Variants in SPMIP7 observed in about 807,000 individuals in gnomAD.
The protein encoded by SPMIP7 is protein SPMIP7.
At chr7:50,150,145 G>A in the SPMIP7 span, among the ~76,000 whole-genome samples, 1 of 152,296 alleles carries the variant, frequency 6.6e-6, no homozygotes, top group African/African-American at 2.4e-5. Flanking sequence ...TCCTGGAGAA[G>A]GCTTTGTGTG....
the SPMIP7 span, chr7:50,117,265 A>T: frequency 2.2e-6 from 1 of 456,034 alleles, no homozygotes; most frequent in Admixed American, 2.4e-5. Context: ...AAAAACATGA[A>T]GGAAAATAGA....
the SPMIP7 span, among the ~76,000 whole-genome samples, chr7:50,144,920 T>A: frequency 6.6e-6 from 1 of 151,796 alleles, no homozygotes; most frequent in Admixed American, 6.6e-5. Flanking sequence ...TCATCCGCAC[T>A]TATAATCTGT....
At chr7:50,137,973 T>C in the SPMIP7 span, among the ~76,000 whole-genome samples, 1 of 152,204 alleles carries the variant, frequency 6.6e-6, no homozygotes, top group Admixed American at 6.5e-5. Flanking sequence ...TTTCTATTTT[T>C]GCTTATCTGA....
At chr7:50,123,089 A>G in the SPMIP7 span, among the ~76,000 whole-genome samples, 1 of 137,192 alleles carries the variant, frequency 7.3e-6, no homozygotes, top group Non-Finnish European at 1.5e-5. Flanking sequence ...AGGGCTATAA[A>G]TCATGCTGCT....
At chr7:50,151,648 T>A in the SPMIP7 span, 2 of 835,148 alleles carry the variant, frequency 2.4e-6, no homozygotes, top group Non-Finnish European at 3.6e-6. Flanking sequence ...AATTAAATAG[T>A]AAAAGCAAAT....
At chr7:50,115,659 C>G in the SPMIP7 span, among the ~76,000 whole-genome samples, 1 of 152,004 alleles carries the variant, frequency 6.6e-6, no homozygotes, top group Non-Finnish European at 1.5e-5. Flanking sequence ...TAGTGATATA[C>G]AAATGGTTAA....
At chr7:50,145,514 G>T in the SPMIP7 span, among the ~76,000 whole-genome samples, 1 of 142,736 alleles carries the variant, frequency 7.0e-6, no homozygotes. Context: ...GAGTGTTGGG[G>T]TACTTTTTCT....
chr7:50,126,379 GTT>G, the SPMIP7 span, among the ~76,000 whole-genome samples: 2 of 149,064 alleles, frequency 1.3e-5, no homozygotes, highest in Non-Finnish European at 3.0e-5. Flanking sequence ...ATATATATCT[GTT>G]TTTTTTTTAA....
At chr7:50,121,696 C>T in the SPMIP7 span, among the ~76,000 whole-genome samples, 1 of 151,972 alleles carries the variant, frequency 6.6e-6, no homozygotes, top group South Asian at 2.1e-4. Context: ...CTGTGTCACC[C>T]AGGCTGGAGT....
At chr7:50,132,885 G>A in the SPMIP7 span, among the ~76,000 whole-genome samples, 19 of 152,112 alleles carry the variant, frequency 1.2e-4, no homozygotes, top group African/African-American at 4.3e-4. Context: ...TTCTTGTATC[G>A]TAAACACCTA....
At chr7:50,112,715 C>T in the SPMIP7 span, among the ~76,000 whole-genome samples, 3 of 152,074 alleles carry the variant, frequency 2.0e-5, no homozygotes, top group Non-Finnish European at 4.4e-5. Flanking sequence ...CCTGCAATTA[C>T]ACCAGCTTGC....
chr7:50,112,249 T>C, the SPMIP7 span, among the ~76,000 whole-genome samples: 1 of 152,172 alleles, frequency 6.6e-6, no homozygotes, highest in Non-Finnish European at 1.5e-5. Flanking sequence ...AAGTGGAAGA[T>C]AAACAAAGAA....
chr7:50,103,343 A>G, the SPMIP7 span, among the ~76,000 whole-genome samples: 1 of 152,134 alleles, frequency 6.6e-6, no homozygotes, highest in African/African-American at 2.4e-5. Flanking sequence ...AAACTACCAG[A>G]GGCACCCCAA....
At chr7:50,150,306 C>T in the SPMIP7 span, among the ~76,000 whole-genome samples, 1 of 152,138 alleles carries the variant, frequency 6.6e-6, no homozygotes, top group Admixed American at 6.5e-5. Context: ...ACAAGGATGT[C>T]CTGCTCTCAG....
chr7:50,101,814 G>A, the SPMIP7 span, among the ~76,000 whole-genome samples: 3 of 152,128 alleles, frequency 2.0e-5, no homozygotes, highest in Non-Finnish European at 2.9e-5. Context: ...CATCCTCATG[G>A]TTCTTAAAAC....
the SPMIP7 span, among the ~76,000 whole-genome samples, chr7:50,148,056 C>T: frequency 6.6e-6 from 1 of 152,192 alleles, no homozygotes. Context: ...CTATCAGCAG[C>T]AGTCTAAAGT....
At chr7:50,096,062 T>A in the SPMIP7 span, 1 of 1,411,668 alleles carries the variant, frequency 7.1e-7, no homozygotes, top group Non-Finnish European at 9.4e-7. Context: ...TTTATAGTTA[T>A]CAAAAATTCT....
At chr7:50,118,568 T>C in the SPMIP7 span, among the ~76,000 whole-genome samples, 4 of 152,332 alleles carry the variant, frequency 2.6e-5, no homozygotes, top group South Asian at 2.1e-4. Context: ...GATCTTATGA[T>C]GGTAGCTAAG....
chr7:50,119,534 G>C, the SPMIP7 span, among the ~76,000 whole-genome samples: 1 of 152,142 alleles, frequency 6.6e-6, no homozygotes, highest in Admixed American at 6.5e-5. Flanking sequence ...TAAATTTGTA[G>C]CTAATGCCCC....
Sources: gnomAD v4.1 joint callset for allele counts (sites outside exome capture counted in the v4.1 genomes callset) on GRCh38, gnomAD v4.1.1 for gene constraint, MANE v1.5 for transcripts, NCBI Gene and HGNC (gene_info 2026-07-23, HGNC 2026-07-21) for gene names.